Variants in RNF168 observed in about 807,000 individuals in gnomAD.
RNF168 encodes ring finger protein 168.
Under a neutral mutation model 34.9 loss-of-function variants are expected in RNF168, and 34 were observed. The observed-to-expected ratio is 0.97, with a 90% CI of 0.74 to 1.30. RNF168 has a LOEUF of 1.30. Ranked by LOEUF, RNF168 falls within the 50% of genes most tolerant of loss-of-function variation. The probability of loss-of-function intolerance (pLI) is 0.00; values close to 1 mark genes in which losing one functional copy is unlikely to be tolerated. For missense variants in RNF168, 725 were observed against 682.5 expected, an observed-to-expected ratio of 1.06 and a Z score of -0.69; for synonymous variants, 264 against 254.7, an observed-to-expected ratio of 1.04 and a Z score of -0.35.
At chr3:196,476,821 C>G (rs1467471697) in intron 4 of RNF168, among the ~76,000 whole-genome samples, 1 of 151,458 alleles carries the variant, frequency 6.6e-6, no homozygotes, top group Non-Finnish European at 1.5e-5. Context: ...GATCTTGGCT[C>G]ACTGCAACCT....
chr3:196,486,328 C>T (rs900891430), intron 3 of RNF168, among the ~76,000 whole-genome samples: 1 of 151,840 alleles, frequency 6.6e-6, no homozygotes, highest in African/African-American at 2.4e-5. Context: ...TTATATAATC[C>T]TTTTTAGGTC....
At chr3:196,493,683 G>C (rs576168595) in intron 1 of RNF168, among the ~76,000 whole-genome samples, 1 of 151,590 alleles carries the variant, frequency 6.6e-6, no homozygotes, top group Non-Finnish European at 1.5e-5. Flanking sequence ...GTCCCACCAC[G>C]CCCAGCTAAT....
intron 2 of RNF168, 92 bp downstream of exon 2, chr3:196,488,515 C>G (rs1168356823): frequency 1.4e-6 from 1 of 721,952 alleles, no homozygotes; most frequent in African/African-American, 1.8e-5. Flanking sequence ...TCAAGATATA[C>G]TAGTTATATA....
Position 196,497,081 on chromosome 3 carries a change from G to A in RNF168, c.301+5792C>T, listed in dbSNP as rs141262316. ...GAACTGCTTGAACCTGGGAGGCAGAGGATGTAGTGAGCTGAGATCACGCCA... is the reference window on the plus strand; with the variant it reads ...GAACTGCTTGAACCTGGGAGGCAGAAGATGTAGTGAGCTGAGATCACGCCA... On this transcript the variant is annotated intron_variant, in intron 1 of 5. Transcript: ENST00000318037. Among the ~76,000 whole-genome samples the A allele has an allele frequency of 2.4e-3, 365 of 152,158 alleles. 14 individuals are homozygous for A. In the East Asian group the frequency reaches 0.064, roughly 27 times the overall value.
intron 1 of RNF168, among the ~76,000 whole-genome samples, chr3:196,491,992 G>T (rs1732608705): frequency 6.6e-6 from 1 of 152,044 alleles, no homozygotes; most frequent in African/African-American, 2.4e-5. Flanking sequence ...GGGTGAATGG[G>T]GAATTAATTA....
Position 196,503,240 on chromosome 3 carries a change from A to C in RNF168, c.-67T>G. 1 of 1,434,426 alleles carries C rather than the reference A, an allele frequency of 7.0e-7. No individual in the cohort carries two copies. Among genetic ancestry groups the C allele is most frequent in the Non-Finnish European group, 9.8e-7 (1 of 1,020,344 alleles). 88.9% of individuals were successfully genotyped at this position (1,434,426 alleles called of 1,614,324 possible). A position where few individuals can be genotyped will look rare whatever the true frequency, so the allele number is the denominator to read the frequency against. On this transcript the variant is annotated 5_prime_UTR_variant, in exon 1 of 6. Transcript: ENST00000318037. ...CGAAAAAGAATCCTATTTTCGGCCA[A>C]CCACAGAGAGAGCAAAAGCAGTTTT... is the stretch of plus-strand genomic sequence containing the variant.
At chr3:196,495,246 C>T (rs565258691) in intron 1 of RNF168, among the ~76,000 whole-genome samples, 1 of 152,180 alleles carries the variant, frequency 6.6e-6, no homozygotes, top group African/African-American at 2.4e-5. Context: ...CAAATCCTTA[C>T]GTGTCCACCT....
chr3:196,475,546 T>G (rs895173328), intron 4 of RNF168, among the ~76,000 whole-genome samples: 5 of 83,968 alleles, frequency 6.0e-5, no homozygotes, highest in Non-Finnish European at 1.2e-4. Flanking sequence ...AATCTAAATA[T>G]TTTTTCTTTT....
rs1732043783 is a variant in RNF168 at position 196,472,768 on chromosome 3, A to G, written c.767T>C (p.Ile256Thr). 6.3e-7 allele frequency: 1 copy of G among 1,597,010 alleles called. No individual in the cohort carries two copies. Among genetic ancestry groups the G allele is most frequent in the Non-Finnish European group, 8.6e-7 (1 of 1,165,084 alleles). ...TGGGCTTTTCCTATCACTACTGTCA[A>G]TGTCCTGTAGAAAACAGAAAAAGAC... ...EVRKDSVSKDIDSSDRKSPTG... is the reference protein window; with the variant it reads ...EVRKDSVSKDTDSSDRKSPTG... The change falls in exon 6 of 6, where the codon ATT (isoleucine) becomes ACT (threonine). Residue 256 changes from isoleucine (I) to threonine (T), a missense_variant. Transcript: ENST00000318037.
At chr3:196,481,634 C>A (rs1261768148) in intron 4 of RNF168, among the ~76,000 whole-genome samples, 3 of 149,304 alleles carry the variant, frequency 2.0e-5, no homozygotes, top group South Asian at 2.1e-4. Flanking sequence ...TACCATTAAA[C>A]CAGCAATGTA....
rs1432781284 is a variant in RNF168, at chr3:196,471,299, C to T, written c.*520G>A. On this transcript the variant is annotated 3_prime_UTR_variant, in exon 6 of 6. Coordinates refer to ENST00000318037, the MANE Select transcript of RNF168 (RefSeq NM_152617.4). ...CCGTCTAAAAAAAAAAAACAAACAC[C>T]AAAGGAAATGCTACAATGCTGAAAA... The T allele has an allele frequency of 7.1e-6, 1 of 140,330 alleles. No homozygotes were observed. Among genetic ancestry groups the T allele is most frequent in the Non-Finnish European group, 1.5e-5 (1 of 64,702 alleles). The allele number at this position is 140,330 out of a possible 1,614,324, so 8.7% of individuals were successfully genotyped here.
intron 4 of RNF168, 146 bp downstream of exon 4, chr3:196,483,624 T>C (rs1184010002): frequency 1.4e-6 from 1 of 706,256 alleles, no homozygotes; most frequent in Admixed American, 2.0e-5. Context: ...TGAGTAGCTC[T>C]CTCCTTTTCA....
At chr3:196,492,707 G>A (rs1402253957) in intron 1 of RNF168, among the ~76,000 whole-genome samples, 1 of 152,108 alleles carries the variant, frequency 6.6e-6, no homozygotes, top group Non-Finnish European at 1.5e-5. Context: ...GAACCCGAGA[G>A]GCAGAGGTTG....
intron 1 of RNF168, among the ~76,000 whole-genome samples, chr3:196,492,702 CGA>C: frequency 6.6e-6 from 1 of 152,136 alleles, no homozygotes; most frequent in African/African-American, 2.4e-5. Flanking sequence ...CGCTTGAACC[CGA>C]GAGGCAGAGG....
chr3:196,497,653 C>A (rs549100043), intron 1 of RNF168, among the ~76,000 whole-genome samples: 1 of 149,898 alleles, frequency 6.7e-6, no homozygotes, highest in African/African-American at 2.5e-5. Flanking sequence ...GGCGACACAA[C>A]GAAATTCAGT....
chr3:196,494,024 TG>T (rs534003176), intron 1 of RNF168, among the ~76,000 whole-genome samples: 7 of 151,948 alleles, frequency 4.6e-5, no homozygotes, highest in African/African-American at 1.4e-4. Context: ...GGCTAATTTT[TG>T]TATTTTTTGT....
intron 1 of RNF168, among the ~76,000 whole-genome samples, chr3:196,501,719 G>C (rs534268296): frequency 6.6e-6 from 1 of 152,018 alleles, no homozygotes; most frequent in African/African-American, 2.4e-5. Flanking sequence ...ATACATTTTG[G>C]ACAATATTTT....
In RNF168 at chr3:196,499,690, G is replaced by A. The variant is rs556396871; in HGVS notation, c.301+3183C>T. Among the ~76,000 whole-genome samples the A allele has an allele frequency of 9.1e-4, 139 of 152,038 alleles. 1 individual carries two copies. Among genetic ancestry groups the A allele is most frequent in the Middle Eastern group, 3.4e-3 (1 of 294 alleles). On this transcript the variant is annotated intron_variant, in intron 1 of 5. Transcript: ENST00000318037. The stretch of plus-strand genomic sequence containing the variant: ...ACAAAAATTAGTTGGGTGTGGTGTC[G>A]CATGCCTGTAATCCCAGCTACTCAG...
rs912467409 is a variant in RNF168 at position 196,473,371 on chromosome 3, CA to C, written c.763-600del. Reference sequence around the variant, plus strand: ...TTGTAAACACAATCATTAAAAGGTTCAAAAAAATGTGAGGTAATAATGTGCA... The same window carrying C: ...TTGTAAACACAATCATTAAAAGGTTCAAAAAATGTGAGGTAATAATGTGCA... On this transcript the variant is annotated intron_variant, in intron 5 of 5. Coordinates refer to ENST00000318037, the MANE Select transcript of RNF168 (RefSeq NM_152617.4). Among the ~76,000 whole-genome samples the C allele has an allele frequency of 9.5e-4, 144 of 151,992 alleles. 2 individuals carry two copies. Among genetic ancestry groups the C allele is most frequent in the African/African-American group, 3.0e-3 (123 of 41,470 alleles).
Sources: allele counts gnomAD v4.1 joint callset (sites outside exome capture counted in the v4.1 genomes callset), GRCh38; gene constraint gnomAD v4.1.1; transcripts MANE v1.5; gene names NCBI Gene and HGNC (gene_info 2026-07-23, HGNC 2026-07-21).